SPTLC3: variants seen among roughly 807,000 people sequenced by gnomAD.
The protein encoded by SPTLC3 is serine palmitoyltransferase long chain base subunit 3, also known as serine palmitoyltransferase 3.
Under a neutral mutation model 59.3 loss-of-function variants are expected in SPTLC3, and 36 were observed. The ratio of observed to expected loss-of-function variants is 0.61; its 90% CI spans 0.47 to 0.80. SPTLC3 has a LOEUF of 0.80. SPTLC3 is among the 30% of genes least tolerant of loss of function. SPTLC3 has a pLI of 0.00. For missense variants in SPTLC3, 625 were observed against 685.1 expected (o/e 0.91, Z 0.98); for synonymous variants, 257 against 240.8 (o/e 1.07, Z -0.62).
chr20:13,148,031 C>T (rs1157611863), intron 9 of SPTLC3, among the ~76,000 whole-genome samples: 1 of 152,162 alleles, frequency 6.6e-6, no homozygotes, highest in Non-Finnish European at 1.5e-5. Context: ...GAAATGCATT[C>T]TCTTTTTTTG....
intron 2 of SPTLC3, among the ~76,000 whole-genome samples, chr20:13,057,675 A>T (rs750421138): frequency 6.6e-6 from 1 of 152,232 alleles, no homozygotes; most frequent in African/African-American, 2.4e-5. Context: ...GTTAGACTCC[A>T]CTAACAATCA....
chr20:13,030,303 T>C (rs17812078), intron 1 of SPTLC3, among the ~76,000 whole-genome samples: 8,396 of 152,290 alleles, frequency 0.055, 274 homozygotes, highest in South Asian at 0.084. Context: ...ACTTGAAATT[T>C]CAGAACCAAC....
intron 1 of SPTLC3, among the ~76,000 whole-genome samples, chr20:13,031,990 T>G (rs571089749): frequency 6.6e-6 from 1 of 152,284 alleles, no homozygotes; most frequent in African/African-American, 2.4e-5. Flanking sequence ...ATTGCAGTGA[T>G]CCACCACCTA....
intron 4 of SPTLC3, among the ~76,000 whole-genome samples, chr20:13,089,170 C>A (rs1043902262): frequency 2.0e-5 from 3 of 152,136 alleles, no homozygotes. Flanking sequence ...GTATAGTAAA[C>A]TATGTTGATC....
intron 8 of SPTLC3, among the ~76,000 whole-genome samples, chr20:13,120,244 G>C (rs1045050885): frequency 5.3e-5 from 8 of 152,156 alleles, no homozygotes; most frequent in Non-Finnish European, 1.0e-4. Context: ...TAGATAGATA[G>C]TTGATAGACA....
intron 9 of SPTLC3, among the ~76,000 whole-genome samples, chr20:13,151,100 C>T (rs1228158435): frequency 6.6e-6 from 1 of 152,196 alleles, no homozygotes; most frequent in African/African-American, 2.4e-5. Context: ...TACTGACTCA[C>T]CTTGCACTGC....
At chr20:13,071,958 A>G (rs1205878742) in intron 2 of SPTLC3, among the ~76,000 whole-genome samples, 1 of 152,230 alleles carries the variant, frequency 6.6e-6, no homozygotes, top group East Asian at 1.9e-4. Flanking sequence ...TGCTTTGGAC[A>G]TAGACACCTG....
chr20:13,159,752 T>A (rs1264122945), intron 10 of SPTLC3, among the ~76,000 whole-genome samples: 1 of 152,168 alleles, frequency 6.6e-6, no homozygotes, highest in Non-Finnish European at 1.5e-5. Flanking sequence ...TCCACAATTA[T>A]CTAATGAGTG....
At position 13,074,410 on chromosome 20, in the gene SPTLC3, G is replaced by A; in HGVS notation, c.520G>A (p.Ala174Thr). The change falls in exon 4 of 12, where the codon GCA becomes ACA. Residue 174 changes from alanine (A) to threonine (T), a missense_variant. Coordinates refer to ENST00000399002, the MANE Select transcript of SPTLC3 (RefSeq NM_018327.4). Reference sequence around the variant, plus strand: ...GGGCTCCTATAACTTCCTTGGTCTTGCAGCCAAGTATGATGAGTCTATGAG... The same window carrying A: ...GGGCTCCTATAACTTCCTTGGTCTTACAGCCAAGTATGATGAGTCTATGAG... ...NMGSYNFLGL[A>T]AKYDESMRTI... 6.2e-7 allele frequency: 1 copy of A among 1,614,048 alleles called. No individual in the cohort carries two copies. The highest frequency in any genetic ancestry group is 8.5e-7 in the Non-Finnish European group (1 of 1,179,944).
chr20:13,060,970 C>A (rs1009610096), intron 2 of SPTLC3, among the ~76,000 whole-genome samples: 10 of 152,194 alleles, frequency 6.6e-5, no homozygotes, highest in African/African-American at 2.4e-4. Context: ...TGAGTAAATA[C>A]CCAGTAGTGG....
rs141255250 is a variant in SPTLC3 at position 13,167,759 on chromosome 20, A to T, written c.*2892A>T. 2 of 152,194 alleles carry T rather than the reference A, an allele frequency of 1.3e-5. No homozygotes were observed. Among genetic ancestry groups the T allele is most frequent in the East Asian group, 3.8e-4 (2 of 5,196 alleles). 9.4% of individuals were successfully genotyped at this position (152,194 alleles called of 1,614,324 possible). A position where few individuals can be genotyped will look rare whatever the true frequency, so the allele number is the denominator to read the frequency against. On this transcript the variant is annotated 3_prime_UTR_variant, in exon 12 of 12. Transcript: ENST00000399002. ...TTTACTAGGAAGCTGGCTAAAATCC[A>T]TACCCCTAGGCCCTACACCAGACCT... is the stretch of plus-strand genomic sequence containing the variant.
intron 9 of SPTLC3, among the ~76,000 whole-genome samples, chr20:13,150,517 G>A (rs986417146): frequency 1.4e-4 from 21 of 152,048 alleles, no homozygotes; most frequent in Non-Finnish European, 8.8e-5. Flanking sequence ...TTCCATCCAG[G>A]GACTCCAAAG....
At chr20:13,117,372 C>A in intron 7 of SPTLC3, 134 bp from the exon 8 acceptor site, 1 of 818,986 alleles carries the variant, frequency 1.2e-6, no homozygotes, top group Non-Finnish European at 1.8e-6. Context: ...TTGTCTCAGC[C>A]AAATAAAACA....
chr20:13,009,315 T>C lies in SPTLC3; in HGVS notation c.48T>C (p.Asn16=). 7 of 1,613,960 alleles carry C rather than the reference T, an allele frequency of 4.3e-6. No individual in the cohort carries two copies. Among genetic ancestry groups the C allele is most frequent in the Non-Finnish European group, 5.9e-6 (7 of 1,179,952 alleles). ...GGAVCNGKLH[N]HKKQSNGSQS... is the part of the protein sequence containing the mutation. ...CTGTTTGCAACGGGAAACTTCACAA[T>C]CACAAGAAACAGAGCAATGGCTCAC... The change falls in exon 1 of 12, where the codon AAT becomes AAC. Residue 16 remains asparagine, a synonymous_variant. Coordinates refer to ENST00000399002, the MANE Select transcript of SPTLC3 (RefSeq NM_018327.4).
intron 2 of SPTLC3, among the ~76,000 whole-genome samples, chr20:13,071,280 G>C (rs527710082): frequency 6.6e-6 from 1 of 152,284 alleles, no homozygotes; most frequent in Non-Finnish European, 1.5e-5. Context: ...CAGCATTCTG[G>C]TTTTAGTAAT....
chr20:13,030,054 A>G (rs1427474783), intron 1 of SPTLC3, among the ~76,000 whole-genome samples: 1 of 152,202 alleles, frequency 6.6e-6, no homozygotes, highest in Non-Finnish European at 1.5e-5. Context: ...ATTCAAAAAG[A>G]AAAACTGTGG....
intron 4 of SPTLC3, among the ~76,000 whole-genome samples, chr20:13,077,251 ATTAC>A (rs1988680056): frequency 6.6e-6 from 1 of 150,902 alleles, no homozygotes; most frequent in African/African-American, 2.4e-5. Flanking sequence ...ATAAGTTACT[ATTAC>A]TTTATGTATT....
At position 13,093,580 on chromosome 20, in the gene SPTLC3, G is replaced by A. The variant is rs1181930481; in HGVS notation, c.826+3G>A. On this transcript the variant is annotated splice_donor_region_variant and intron_variant, in intron 6 of 11. Coordinates refer to ENST00000399002, the MANE Select transcript of SPTLC3 (RefSeq NM_018327.4). ...CATAAGAATCTTCAAACACAACAGT[G>A]AGTATCAGTGTATTTTCTCAACATG... 1.9e-6 allele frequency: 3 copies of A among 1,612,538 alleles called. No individual in the cohort carries two copies. In the African/African-American group the frequency reaches 4.0e-5, roughly 22 times the overall value.
chr20:13,033,855 C>T (rs560297099), intron 1 of SPTLC3, among the ~76,000 whole-genome samples: 1 of 152,106 alleles, frequency 6.6e-6, no homozygotes, highest in South Asian at 2.1e-4. Context: ...CAGCCTGGTG[C>T]TTTTTAGGAA....
Sources: allele counts gnomAD v4.1 joint callset (sites outside exome capture counted in the v4.1 genomes callset), GRCh38; gene constraint gnomAD v4.1.1; transcripts MANE v1.5; gene names NCBI Gene and HGNC (gene_info 2026-07-23, HGNC 2026-07-21).